ANKRD44: variants seen among roughly 807,000 people sequenced by gnomAD.
ANKRD44 encodes the protein ankyrin repeat domain 44, also known as serine/threonine-protein phosphatase 6 regulatory ankyrin repeat subunit B.
In ANKRD44, 35 loss-of-function variants were observed where a neutral mutation model predicts 116.0. The ratio of observed to expected loss-of-function variants is 0.30; its 90% CI spans 0.23 to 0.40. ANKRD44 has a LOEUF of 0.40. ANKRD44 is among the 10% of genes least tolerant of loss of function. The probability of loss-of-function intolerance (pLI) is 1.00; values close to 1 mark genes in which losing one functional copy is unlikely to be tolerated. For missense variants in ANKRD44, 1,014 were observed against 1,242.6 expected, an observed-to-expected ratio of 0.82 and a Z score of 2.77; for synonymous variants, 435 against 461.8, an observed-to-expected ratio of 0.94 and a Z score of 0.74.
intron 16 of ANKRD44, among the ~76,000 whole-genome samples, chr2:197,073,037 C>T (rs905553575): frequency 1.3e-4 from 20 of 152,200 alleles, no homozygotes; most frequent in African/African-American, 4.8e-4. Flanking sequence ...TTCCCGCCTT[C>T]CCCTAAAGAC....
chr2:197,031,013 A>T (rs1441666909), intron 16 of ANKRD44, among the ~76,000 whole-genome samples: 3 of 152,162 alleles, frequency 2.0e-5, no homozygotes, highest in East Asian at 1.9e-4. Context: ...TGTTTTCCTA[A>T]TGGGGATGGA....
intron 2 of ANKRD44, among the ~76,000 whole-genome samples, chr2:197,177,275 T>C (rs1006146287): frequency 6.6e-6 from 1 of 152,208 alleles, no homozygotes; most frequent in Admixed American, 6.5e-5. Context: ...TGAGCAAAAC[T>C]AATAATCCAT....
chr2:197,086,557 A>C, intron 13 of ANKRD44, 123 bp downstream of exon 13: 1 of 831,310 alleles, frequency 1.2e-6, no homozygotes, highest in Non-Finnish European at 1.9e-6. Context: ...CTTCCTTCCG[A>C]GGAGGATGGA....
At chr2:197,010,560 G>T (rs1460194678) in intron 18 of ANKRD44, among the ~76,000 whole-genome samples, 2 of 152,216 alleles carry the variant, frequency 1.3e-5, no homozygotes, top group Non-Finnish European at 2.9e-5. Context: ...AGGCTGTAGT[G>T]GTCCCACAGG....
intron 1 of ANKRD44, among the ~76,000 whole-genome samples, chr2:197,297,719 C>T (rs1200281578): frequency 2.6e-5 from 4 of 152,122 alleles, no homozygotes; most frequent in African/African-American, 9.7e-5. Context: ...CGGTTAGATG[C>T]CACAATATTT....
intron 16 of ANKRD44, among the ~76,000 whole-genome samples, chr2:197,055,107 G>A (rs1559025340): frequency 6.6e-6 from 1 of 152,108 alleles, no homozygotes; most frequent in Non-Finnish European, 1.5e-5. Context: ...CTTTTAACCT[G>A]CTCAATTTAT....
intron 2 of ANKRD44, among the ~76,000 whole-genome samples, chr2:197,148,085 C>T (rs1454516185): frequency 5.3e-5 from 8 of 152,042 alleles, no homozygotes; most frequent in Middle Eastern, 3.4e-3. Flanking sequence ...TGTAAATTGG[C>T]GATAATAAAA....
At chr2:197,068,394 A>AAAAAAAAAAAAAAAAAAATAAAAAAAT (rs1559036599) in intron 16 of ANKRD44, among the ~76,000 whole-genome samples, 2 of 140,204 alleles carry the variant, frequency 1.4e-5, no homozygotes, top group Non-Finnish European at 3.1e-5. Context: ...AAATAAAAAA[A>AAAAAAAAAAAAAAAAAAATAAAAAAAT]AAATAAAAAT....
intron 21 of ANKRD44, among the ~76,000 whole-genome samples, chr2:196,971,936 G>C (rs570475317): frequency 6.6e-6 from 1 of 152,312 alleles, no homozygotes; most frequent in East Asian, 1.9e-4. Flanking sequence ...AGGCTTGCAT[G>C]GATCTCTATC....
At chr2:196,969,966 G>C (rs922474735) in intron 21 of ANKRD44, among the ~76,000 whole-genome samples, 1 of 152,184 alleles carries the variant, frequency 6.6e-6, no homozygotes, top group Non-Finnish European at 1.5e-5. Context: ...GTAAAACATG[G>C]AGATTTGACT....
At chr2:197,184,694 C>T (rs2080609952) in intron 2 of ANKRD44, among the ~76,000 whole-genome samples, 1 of 151,086 alleles carries the variant, frequency 6.6e-6, no homozygotes, top group African/African-American at 2.4e-5. Context: ...TGCTCTTTTT[C>T]CCTTTGGGGT....
chr2:197,285,811 A>C (rs1028775166), intron 1 of ANKRD44, among the ~76,000 whole-genome samples: 2 of 152,244 alleles, frequency 1.3e-5, no homozygotes, highest in African/African-American at 4.8e-5. Flanking sequence ...GAGATCAATA[A>C]AATGATATAG....
chr2:197,301,437 T>A (rs552436750), intron 1 of ANKRD44: 1 of 152,342 alleles, frequency 6.6e-6, no homozygotes, highest in East Asian at 1.9e-4. Context: ...GAACTGAGAA[T>A]TACCTACGAC....
intron 16 of ANKRD44, among the ~76,000 whole-genome samples, chr2:197,040,234 C>T (rs1196618821): frequency 1.3e-5 from 2 of 151,228 alleles, no homozygotes; most frequent in South Asian, 2.1e-4. Flanking sequence ...CGAGGCGAGA[C>T]ACCATCTCAA....
At chr2:197,095,481 A>G (rs2078140011) in intron 10 of ANKRD44, among the ~76,000 whole-genome samples, 1 of 152,154 alleles carries the variant, frequency 6.6e-6, no homozygotes, top group Non-Finnish European at 1.5e-5. Context: ...GCCACTGCAA[A>G]ACCTCCATTC....
At chr2:197,143,863 A>C (rs2079435020) in intron 3 of ANKRD44, among the ~76,000 whole-genome samples, 1 of 152,130 alleles carries the variant, frequency 6.6e-6, no homozygotes, top group African/African-American at 2.4e-5. Context: ...TCCTGACCTC[A>C]AGTGATCCTC....
chr2:197,001,058 A>G (rs2076105581), intron 22 of ANKRD44, among the ~76,000 whole-genome samples: 1 of 151,844 alleles, frequency 6.6e-6, no homozygotes, highest in Non-Finnish European at 1.5e-5. Flanking sequence ...ATATAAACAA[A>G]ATAAAATCTT....
chr2:197,082,182 G>A (rs1015836061), intron 14 of ANKRD44, among the ~76,000 whole-genome samples: 1 of 152,156 alleles, frequency 6.6e-6, no homozygotes, highest in Non-Finnish European at 1.5e-5. Context: ...CTTGACAGAT[G>A]AAGTATATTG....
chr2:197,229,728 A>G (rs2081811311), intron 1 of ANKRD44, among the ~76,000 whole-genome samples: 1 of 152,190 alleles, frequency 6.6e-6, no homozygotes, highest in South Asian at 2.1e-4. Flanking sequence ...GACAAGGCAC[A>G]GTAAGATTAA....
Sources: allele counts gnomAD v4.1 joint callset (sites outside exome capture counted in the v4.1 genomes callset), GRCh38; gene constraint gnomAD v4.1.1; transcripts MANE v1.5; gene names NCBI Gene and HGNC (gene_info 2026-07-23, HGNC 2026-07-21).